STK32B: variants seen among roughly 807,000 people sequenced by gnomAD.
STK32B encodes serine/threonine kinase 32B.
Under a neutral mutation model 52.6 loss-of-function variants are expected in STK32B, and 43 were observed. The ratio of observed to expected loss-of-function variants is 0.82; its 90% CI spans 0.64 to 1.05. The LOEUF (loss-of-function observed/expected upper bound fraction) is 1.05. Ranked by LOEUF, STK32B falls within the 50% of genes least tolerant of loss-of-function variation. STK32B has a pLI of 0.00. For synonymous variants in STK32B, 238 were observed against 204.3 expected (o/e 1.17, Z -1.41); for missense variants, 621 against 534.6 (o/e 1.16, Z -1.59).
intron 3 of STK32B, among the ~76,000 whole-genome samples, chr4:5,184,951 T>C (rs1268694707): frequency 6.6e-6 from 1 of 152,236 alleles, no homozygotes; most frequent in Non-Finnish European, 1.5e-5. Context: ...TGTTAGCACT[T>C]GTCCTTTGAG....
chr4:5,080,993 C>T (rs1201429070), intron 1 of STK32B, among the ~76,000 whole-genome samples: 4 of 152,164 alleles, frequency 2.6e-5, no homozygotes, highest in Non-Finnish European at 4.4e-5. Flanking sequence ...ATCCTACTGT[C>T]TGTTTTTGTG....
intron 7 of STK32B, among the ~76,000 whole-genome samples, chr4:5,452,005 C>G (rs6817355): frequency 0.056 from 8,539 of 152,262 alleles, 448 homozygotes; most frequent in African/African-American, 0.14. Context: ...CACCCTTCAA[C>G]CACTAGAGAC....
chr4:5,042,060 A>G, the STK32B span, among the ~76,000 whole-genome samples: 2 of 152,200 alleles, frequency 1.3e-5, no homozygotes. Context: ...TTTAGGGTTT[A>G]TGGCTCCAAA....
the STK32B span, among the ~76,000 whole-genome samples, chr4:5,044,036 A>T: frequency 6.6e-6 from 1 of 152,000 alleles, no homozygotes; most frequent in East Asian, 1.9e-4. Context: ...GATGGTTTAC[A>T]ATTTACCAGG....
intron 4 of STK32B, among the ~76,000 whole-genome samples, chr4:5,368,607 G>A (rs1442385031): frequency 2.6e-5 from 4 of 152,210 alleles, no homozygotes; most frequent in Non-Finnish European, 4.4e-5. Flanking sequence ...CATAGGGGAT[G>A]TAAACCCAGG....
Position 5,402,461 on chromosome 4 carries a change from A to T in STK32B, c.472+4217A>T, listed in dbSNP as rs141062234. ...GAGGGCCCTGGTTCAAAGGTCATTT[A>T]TGATGACCATAAAGAATGTAGTCTT... On this transcript the variant is annotated intron_variant, in intron 5 of 11. Coordinates refer to ENST00000282908, the MANE Select transcript of STK32B (RefSeq NM_018401.3). 5.8e-3 allele frequency among the ~76,000 whole-genome samples: 883 copies of T among 152,378 alleles called. 8 individuals carry two copies. Among genetic ancestry groups the T allele is most frequent in the African/African-American group, 0.019 (777 of 41,598 alleles).
At chr4:5,439,631 G>T (rs183295890) in intron 6 of STK32B, among the ~76,000 whole-genome samples, 3,593 of 151,312 alleles carry the variant, frequency 0.024, 147 homozygotes, top group African/African-American at 0.083. Context: ...GTCAATTTTG[G>T]CTTTTGTTGC....
At position 5,453,720 on chromosome 4, in the gene STK32B, A is replaced by G. The variant is rs12512730; in HGVS notation, c.667-3087A>G. 5.3e-5 allele frequency among the ~76,000 whole-genome samples: 8 copies of G among 152,216 alleles called. No individual in the cohort carries two copies. Among genetic ancestry groups the G allele is most frequent in the African/African-American group, 1.2e-4 (5 of 41,524 alleles). On this transcript the variant is annotated intron_variant, in intron 7 of 11. Transcript: ENST00000282908. The surrounding 1 kb of genome is among the most constrained non-coding windows in gnomAD (Gnocchi z 4.0). The stretch of plus-strand genomic sequence containing the variant: ...GGAGTTCGAGACCAACCTGGCCAAC[A>G]TGGTAAAACCCGGTCTCTACTAAAA...
chr4:5,111,046 A>T (rs908368386), intron 1 of STK32B, among the ~76,000 whole-genome samples: 1 of 152,178 alleles, frequency 6.6e-6, no homozygotes, highest in African/African-American at 2.4e-5. Context: ...AGAAATACAA[A>T]TTAAGACCAC....
At chr4:5,250,789 T>A (rs1450145742) in intron 3 of STK32B, among the ~76,000 whole-genome samples, 3 of 152,206 alleles carry the variant, frequency 2.0e-5, no homozygotes, top group African/African-American at 7.2e-5. Context: ...TCATTGTGGT[T>A]TTCTTTTGCA....
the STK32B span, among the ~76,000 whole-genome samples, chr4:5,040,275 C>G: frequency 6.6e-6 from 1 of 152,100 alleles, no homozygotes; most frequent in African/African-American, 2.4e-5. Context: ...AAGTAGGTGT[C>G]TCTGCCACAC....
intron 7 of STK32B, among the ~76,000 whole-genome samples, chr4:5,455,834 A>C (rs1716457440): frequency 6.6e-6 from 1 of 152,082 alleles, no homozygotes; most frequent in Non-Finnish European, 1.5e-5. Flanking sequence ...AGACAGCACT[A>C]ATTTTACTGG....
chr4:5,167,139 C>T (rs1316543119), intron 2 of STK32B, among the ~76,000 whole-genome samples: 1 of 152,102 alleles, frequency 6.6e-6, no homozygotes, highest in Non-Finnish European at 1.5e-5. Context: ...TAGAGCTTGC[C>T]CCCTGGTTTT....
chr4:5,070,531 A>G (rs1711701578), intron 1 of STK32B, among the ~76,000 whole-genome samples: 1 of 149,872 alleles, frequency 6.7e-6, no homozygotes, highest in South Asian at 2.2e-4. Flanking sequence ...CCAAAATAAG[A>G]CGTGTAGAAG....
chr4:5,287,730 G>A (rs73087495), intron 3 of STK32B, among the ~76,000 whole-genome samples: 5,877 of 151,770 alleles, frequency 0.039, 376 homozygotes, highest in African/African-American at 0.13. Flanking sequence ...ACATTGTTGT[G>A]CATATTGCTT....
At chr4:5,496,480 C>T (rs950805695) in intron 11 of STK32B, among the ~76,000 whole-genome samples, 2 of 151,888 alleles carry the variant, frequency 1.3e-5, no homozygotes, top group African/African-American at 4.9e-5. Context: ...CCATCTGTCA[C>T]CCCTTTCTTT....
chr4:5,335,253 G>T (rs1037717665), intron 4 of STK32B, among the ~76,000 whole-genome samples: 16 of 152,172 alleles, frequency 1.1e-4, no homozygotes, highest in South Asian at 2.1e-4. Flanking sequence ...AGATTTTCTA[G>T]TTTATTTGCG....
rs147760826 is a variant in STK32B at position 5,115,539 on chromosome 4, C to A, written c.53-24366C>A. On this transcript the variant is annotated intron_variant, in intron 1 of 11. Coordinates refer to ENST00000282908, the MANE Select transcript of STK32B (RefSeq NM_018401.3). ...CTGGGGCAAAGCTGGAAATGTGCAT[C>A]TTAAAAGCCCTCAGCCAGATTTGAG... Among the ~76,000 whole-genome samples, 59 of 152,356 alleles carry A rather than the reference C, an allele frequency of 3.9e-4. No individual in the cohort carries two copies. The East Asian group carries it at 7.3e-3, about 19-fold the overall frequency.
At chr4:5,029,824 C>T in the STK32B span, among the ~76,000 whole-genome samples, 4 of 152,152 alleles carry the variant, frequency 2.6e-5, no homozygotes, top group Non-Finnish European at 5.9e-5. Flanking sequence ...TGTTCCCGCC[C>T]AAATCTCATC....
Sources: allele counts gnomAD v4.1 joint callset (sites outside exome capture counted in the v4.1 genomes callset), GRCh38; gene constraint gnomAD v4.1.1; non-coding constraint Gnocchi (gnomAD v3.1); transcripts MANE v1.5; gene names NCBI Gene and HGNC (gene_info 2026-07-23, HGNC 2026-07-21).